Variants in DIP2B observed in about 807,000 individuals in gnomAD.
DIP2B encodes DIP2 acetate--CoA ligase B (putative).
Under a neutral mutation model 198.0 loss-of-function variants are expected in DIP2B, and 76 were observed. That is an observed-to-expected ratio of 0.38 (90% CI 0.32 to 0.46). The LOEUF is 0.46. Among genes scored for constraint, DIP2B ranks in the 20% least tolerant of loss-of-function variants. DIP2B has a pLI of 0.99. For missense variants in DIP2B, 1,559 were observed against 1,978.4 expected, an observed-to-expected ratio of 0.79 and a Z score of 4.02; for synonymous variants, 701 against 739.1, an observed-to-expected ratio of 0.95 and a Z score of 0.84.
At position 50,674,595 on chromosome 12, in the gene DIP2B, A is replaced by T. The variant is rs752861948; in HGVS notation, c.762A>T (p.Gly254=). 4.3e-6 allele frequency: 7 copies of T among 1,614,072 alleles called. No homozygotes were observed. In the South Asian group the frequency reaches 7.7e-5, roughly 18 times the overall value. ...PSGIVKGMHK[G]SNRSSLMDTA... is the part of the protein sequence containing the mutation. ...GGATAGTTAAAGGCATGCACAAAGG[A>T]TCCAACAGGTCCAGCCTTATGGATA... Residue 254 remains glycine (G), a synonymous_variant, in exon 6 of 38, where the codon GGA becomes GGT. Coordinates refer to ENST00000301180, the MANE Select transcript of DIP2B (RefSeq NM_173602.3).
intron 16 of DIP2B, 65 bp from the exon 17 acceptor site, chr12:50,696,996 A>G: frequency 1.6e-6 from 2 of 1,229,326 alleles, no homozygotes; most frequent in East Asian, 2.4e-5. Flanking sequence ...TCTATTCTTT[A>G]CCATTTTCCT....
chr12:50,603,928 A>G (rs1958959934), intron 1 of DIP2B, among the ~76,000 whole-genome samples: 2 of 152,130 alleles, frequency 1.3e-5, no homozygotes, highest in African/African-American at 2.4e-5. Context: ...ATTCACAATG[A>G]TGAGAAAGCC....
At chr12:50,537,797 G>T (rs1958283986) in intron 1 of DIP2B, among the ~76,000 whole-genome samples, 1 of 152,156 alleles carries the variant, frequency 6.6e-6, no homozygotes, top group African/African-American at 2.4e-5. Flanking sequence ...GTGGACTGGG[G>T]TGGGTGGTGT....
In DIP2B at chr12:50,698,511, C is replaced by A; in HGVS notation, c.2188+44C>A. On this transcript the variant is annotated intron_variant, in intron 18 of 37. Coordinates refer to ENST00000301180, the MANE Select transcript of DIP2B (RefSeq NM_173602.3). ...CATTTGGTTTTTCATAAAGATTTGT[C>A]ATCAGAGATAATAGAGCCTGATAAA... 1.9e-6 allele frequency: 3 copies of A among 1,592,998 alleles called. No homozygotes were observed. The South Asian group carries it at 3.4e-5, about 18-fold the overall frequency.
intron 2 of DIP2B, chr12:50,633,379 A>G (rs1305814655): frequency 6.6e-6 from 1 of 152,222 alleles, no homozygotes; most frequent in East Asian, 1.9e-4. Context: ...ATCTTTTTAG[A>G]ACATTAGACC....
At chr12:50,540,178 G>A (rs1009002118) in intron 1 of DIP2B, among the ~76,000 whole-genome samples, 3 of 141,618 alleles carry the variant, frequency 2.1e-5, no homozygotes, top group African/African-American at 5.2e-5. Context: ...GCGTGATCTC[G>A]GCTCATTGCA....
intron 20 of DIP2B, among the ~76,000 whole-genome samples, chr12:50,704,854 C>G (rs1453175348): frequency 6.6e-6 from 1 of 152,034 alleles, no homozygotes; most frequent in Non-Finnish European, 1.5e-5. Context: ...ATTCCAGCTA[C>G]TTGGGAGGCT....
At chr12:50,647,395 A>G (rs1457743662) in intron 3 of DIP2B, among the ~76,000 whole-genome samples, 1 of 152,164 alleles carries the variant, frequency 6.6e-6, no homozygotes, top group Non-Finnish European at 1.5e-5. Flanking sequence ...AAGGATGGAT[A>G]ATTATTTGGA....
chr12:50,638,849 C>G (rs964656654), intron 2 of DIP2B, among the ~76,000 whole-genome samples: 4 of 131,696 alleles, frequency 3.0e-5, no homozygotes, highest in Non-Finnish European at 6.3e-5. Flanking sequence ...ATGCTTGGGA[C>G]TAGAAGTGTT....
chr12:50,700,556 A>G (rs1278853657), intron 19 of DIP2B, among the ~76,000 whole-genome samples: 2 of 152,248 alleles, frequency 1.3e-5, no homozygotes, highest in African/African-American at 2.4e-5. Flanking sequence ...CAGAGAAAGT[A>G]TCATCTCTGT....
At chr12:50,516,267 C>A (rs368161539) in intron 1 of DIP2B, among the ~76,000 whole-genome samples, 195 of 151,406 alleles carry the variant, frequency 1.3e-3, no homozygotes, top group African/African-American at 4.8e-3. Flanking sequence ...CTATCTCTAT[C>A]TCTATATCGA....
intron 1 of DIP2B, among the ~76,000 whole-genome samples, chr12:50,612,010 A>T (rs1317568610): frequency 7.8e-6 from 1 of 127,798 alleles, no homozygotes; most frequent in Non-Finnish European, 1.5e-5. Flanking sequence ...TCTAAAAAAG[A>T]AAAAAAAAAA....
chr12:50,664,836 GTTTTTTTTTTTTTT>G (rs1159665939), intron 4 of DIP2B, among the ~76,000 whole-genome samples: 3 of 15,926 alleles, frequency 1.9e-4, no homozygotes, highest in Admixed American at 9.2e-4. Context: ...TTTGGTTTTT[GTTTTTTTTTTTTTT>G]TTTTTTTTTT....
At chr12:50,646,855 C>G (rs931806421) in intron 3 of DIP2B, among the ~76,000 whole-genome samples, 1 of 152,166 alleles carries the variant, frequency 6.6e-6, no homozygotes, top group African/African-American at 2.4e-5. Flanking sequence ...AATCTCTGAT[C>G]TGGTGATGGC....
chr12:50,716,950 A>G (rs1939730753), intron 23 of DIP2B, among the ~76,000 whole-genome samples: 1 of 60,336 alleles, frequency 1.7e-5, no homozygotes, highest in African/African-American at 5.2e-5. Flanking sequence ...TAGATTTACG[A>G]ATTGTTGCTT....
chr12:50,696,986 T>C, intron 16 of DIP2B, 75 bp from the exon 17 acceptor site: 3 of 1,118,894 alleles, frequency 2.7e-6, no homozygotes, highest in South Asian at 1.4e-5. Context: ...ATGTCAGCTT[T>C]CTATTCTTTA....
At chr12:50,733,548 A>C (rs537752488) in intron 32 of DIP2B, among the ~76,000 whole-genome samples, 2 of 152,174 alleles carry the variant, frequency 1.3e-5, no homozygotes, top group African/African-American at 4.8e-5. Context: ...ACTCACCTGC[A>C]AAAAATATAG....
chr12:50,599,006 T>C (rs990950136), intron 1 of DIP2B, among the ~76,000 whole-genome samples: 24 of 135,646 alleles, frequency 1.8e-4, no homozygotes, highest in African/African-American at 6.7e-4. Flanking sequence ...AAAAAAACTC[T>C]TGGCTGGGCA....
intron 1 of DIP2B, among the ~76,000 whole-genome samples, chr12:50,558,310 A>C (rs1018765063): frequency 6.6e-6 from 1 of 152,254 alleles, no homozygotes; most frequent in Non-Finnish European, 1.5e-5. Flanking sequence ...TAGGGGTAGC[A>C]CAAGTAATAG....
Sources: allele counts gnomAD v4.1 joint callset (sites outside exome capture counted in the v4.1 genomes callset), GRCh38; gene constraint gnomAD v4.1.1; transcripts MANE v1.5; gene names NCBI Gene and HGNC (gene_info 2026-07-23, HGNC 2026-07-21).